Variants in CCDC3 observed in about 807,000 individuals in gnomAD.
CCDC3 encodes the protein coiled-coil domain-containing protein 3.
CCDC3 carries 24 observed loss-of-function variants against 21.4 expected under a neutral mutation model. The observed-to-expected ratio is 1.12, with a 90% confidence interval of 0.81 to 1.58. The LOEUF (loss-of-function observed/expected upper bound fraction) is 1.58. Ranked by LOEUF, CCDC3 falls within the 40% of genes most tolerant of loss-of-function variation. The probability of loss-of-function intolerance (pLI) is 0.00; values close to 1 mark genes in which losing one functional copy is unlikely to be tolerated. For synonymous variants in CCDC3, 186 were observed against 166.0 expected, an observed-to-expected ratio of 1.12 and a Z score of -0.93; for missense variants, 425 against 360.9, an observed-to-expected ratio of 1.18 and a Z score of -1.44.
chr10:12,903,903 C>T (rs1834129982), intron 2 of CCDC3, among the ~76,000 whole-genome samples: 1 of 152,162 alleles, frequency 6.6e-6, no homozygotes, highest in Non-Finnish European at 1.5e-5. Flanking sequence ...TCAAAATCAT[C>T]AATGATTCTA....
At chr10:13,027,990 T>C (rs1342932818) in intron 5 of CCDC3, among the ~76,000 whole-genome samples, 2 of 152,208 alleles carry the variant, frequency 1.3e-5, no homozygotes, top group African/African-American at 4.8e-5. Context: ...TCTGCAGTAG[T>C]GTGTTTGCCA....
intron 5 of CCDC3, among the ~76,000 whole-genome samples, chr10:13,013,640 G>A (rs1422764754): frequency 6.6e-6 from 1 of 152,070 alleles, no homozygotes; most frequent in Non-Finnish European, 1.5e-5. Flanking sequence ...GGAGCAAACT[G>A]GAATCTTGCA....
At chr10:13,094,827 G>A (rs1390356665) in intron 3 of CCDC3, among the ~76,000 whole-genome samples, 1 of 152,050 alleles carries the variant, frequency 6.6e-6, no homozygotes, top group Non-Finnish European at 1.5e-5. Flanking sequence ...CTATGCCACT[G>A]CACTCCAGCC....
At chr10:12,989,685 G>T (rs555326919) in intron 2 of CCDC3, among the ~76,000 whole-genome samples, 2 of 152,224 alleles carry the variant, frequency 1.3e-5, no homozygotes, top group South Asian at 4.1e-4. Flanking sequence ...GTCTCCCAAA[G>T]TGTTGGGATT....
At chr10:13,066,828 G>C (rs1471656551) in intron 4 of CCDC3, among the ~76,000 whole-genome samples, 1 of 152,124 alleles carries the variant, frequency 6.6e-6, no homozygotes, top group African/African-American at 2.4e-5. Flanking sequence ...TGTGAGGTGG[G>C]GGACTTGTTA....
At chr10:13,047,228 A>G (rs1836541899) in intron 5 of CCDC3, among the ~76,000 whole-genome samples, 1 of 152,130 alleles carries the variant, frequency 6.6e-6, no homozygotes, top group African/African-American at 2.4e-5. Context: ...GTGTAGCCTT[A>G]GAAAGTCCTC....
chr10:13,080,169 A>G (rs1211430948), intron 3 of CCDC3, among the ~76,000 whole-genome samples: 3 of 152,134 alleles, frequency 2.0e-5, no homozygotes, highest in Admixed American at 2.0e-4. Context: ...ACTGAGTGTA[A>G]GGGAGAGAGG....
intron 2 of CCDC3, among the ~76,000 whole-genome samples, chr10:12,956,722 G>T (rs1835093148): frequency 2.6e-5 from 4 of 152,094 alleles, no homozygotes; most frequent in Admixed American, 2.0e-4. Flanking sequence ...CTCAGCCTTG[G>T]CCTAGAACAG....
At chr10:12,985,708 C>G (rs60568361) in intron 2 of CCDC3, among the ~76,000 whole-genome samples, 2 of 151,902 alleles carry the variant, frequency 1.3e-5, no homozygotes, top group South Asian at 4.2e-4. Context: ...CCTGAAATAA[C>G]ATTATAGATA....
intron 2 of CCDC3, among the ~76,000 whole-genome samples, chr10:12,959,172 A>AT (rs2131255194): frequency 2.4e-5 from 1 of 40,944 alleles, no homozygotes; most frequent in East Asian, 3.1e-3. Context: ...ACAAGCTACA[A>AT]TCTTTTTTTT....
chr10:13,048,346 C>T (rs546986503), intron 5 of CCDC3, among the ~76,000 whole-genome samples: 249 of 151,692 alleles, frequency 1.6e-3, no homozygotes, highest in Middle Eastern at 0.01. Context: ...TGCGCACCAC[C>T]ACACCTGGCT....
intron 2 of CCDC3, among the ~76,000 whole-genome samples, chr10:12,933,454 C>CTTTTTTTTTTTTTTTTTTTTTTTTT (rs545950029): frequency 8.6e-6 from 1 of 115,830 alleles, no homozygotes; most frequent in African/African-American, 3.2e-5. Flanking sequence ...ATAATATTCC[C>CTTTTTTTTTTTTTTTTTTTTTTTTT]TTTATTTTTT....
At chr10:13,041,506 T>TA (rs1836454768) in intron 5 of CCDC3, among the ~76,000 whole-genome samples, 50 of 6,538 alleles carry the variant, frequency 7.6e-3, no homozygotes, top group South Asian at 0.027. Context: ...GGCAGATAAT[T>TA]TTTTTTTTTT....
intron 5 of CCDC3, among the ~76,000 whole-genome samples, chr10:13,037,467 T>C (rs1387623089): frequency 2.0e-5 from 3 of 152,260 alleles, no homozygotes; most frequent in African/African-American, 7.2e-5. Context: ...ATGGGAAACA[T>C]TGTAGAAGGT....
intron 5 of CCDC3, among the ~76,000 whole-genome samples, chr10:13,047,690 C>T (rs750859698): frequency 2.6e-5 from 4 of 152,106 alleles, no homozygotes; most frequent in African/African-American, 4.8e-5. Context: ...GATCTCCATC[C>T]GTGCCCTCCC....
At chr10:12,921,875 T>C (rs1379076958) in intron 2 of CCDC3, among the ~76,000 whole-genome samples, 3 of 152,146 alleles carry the variant, frequency 2.0e-5, no homozygotes, top group Admixed American at 6.6e-5. Context: ...TCCGAGTAGA[T>C]AGGACTACAG....
At chr10:12,918,580 G>C (rs1834395095) in intron 2 of CCDC3, among the ~76,000 whole-genome samples, 2 of 152,110 alleles carry the variant, frequency 1.3e-5, no homozygotes, top group African/African-American at 4.8e-5. Flanking sequence ...TACCTATCTA[G>C]AAAAATATGC....
intron 5 of CCDC3, among the ~76,000 whole-genome samples, chr10:13,042,365 G>A (rs951233066): frequency 6.6e-6 from 1 of 152,226 alleles, no homozygotes; most frequent in African/African-American, 2.4e-5. Flanking sequence ...TGGGATTTGA[G>A]GCAAGAATGA....
chr10:13,062,787 C>T, intron 4 of CCDC3, among the ~76,000 whole-genome samples: 1 of 152,184 alleles, frequency 6.6e-6, no homozygotes, highest in East Asian at 1.9e-4. Flanking sequence ...AGTCATGCAG[C>T]TGGAGGCTAC....
Sources: gnomAD v4.1 joint callset for allele counts (sites outside exome capture counted in the v4.1 genomes callset) on GRCh38, gnomAD v4.1.1 for gene constraint, MANE v1.5 for transcripts, NCBI Gene and HGNC (gene_info 2026-07-23, HGNC 2026-07-21) for gene names.